TTC34: variants seen among roughly 807,000 people sequenced by gnomAD.
The protein encoded by TTC34 is tetratricopeptide repeat protein 34.
Under a neutral mutation model 40.7 loss-of-function variants are expected in TTC34, and 44 were observed. The observed-to-expected ratio is 1.08, with a 90% CI of 0.85 to 1.39. TTC34 has a LOEUF of 1.39. Among genes scored for constraint, TTC34 ranks in the 40% most tolerant of loss-of-function variants. The pLI, the probability that TTC34 is intolerant of heterozygous loss-of-function variation, is 0.00. For synonymous variants in TTC34, 422 were observed against 398.6 expected (o/e 1.06, Z -0.70); for missense variants, 884 against 838.0 (o/e 1.05, Z -0.68).
At chr1:2,681,825 C>G (rs867840232) in intron 6 of TTC34, among the ~76,000 whole-genome samples, 119 of 120,428 alleles carry the variant, frequency 9.9e-4, no homozygotes, top group African/African-American at 3.3e-3. Context: ...ACACCGACAC[C>G]CACAGGTGAG....
At chr1:2,656,385 A>T (rs1365604022) in intron 6 of TTC34, among the ~76,000 whole-genome samples, 1 of 2,398 alleles carries the variant, frequency 4.2e-4, no homozygotes, top group Non-Finnish European at 9.2e-4. Context: ...CCCACAGGTG[A>T]GCATCTGACA....
At chr1:2,700,129 TCACCCCAGGTGAGCATCGG>T (rs1641063146) in intron 6 of TTC34, among the ~76,000 whole-genome samples, 1 of 78,348 alleles carries the variant, frequency 1.3e-5, no homozygotes, top group African/African-American at 4.0e-5. Context: ...AGCAGCATCC[TCACCCCAGGTGAGCATCGG>T]ACATCCTGGA....
rs1430986578 is a variant in TTC34, at chr1:2,645,932, C to T, written c.2227-369G>A. Among the ~76,000 whole-genome samples, 1 of 152,176 alleles carries T rather than the reference C, an allele frequency of 6.6e-6. No individual in the cohort carries two copies. The highest frequency in any genetic ancestry group is 2.4e-5 in the African/African-American group (1 of 41,436). On this transcript the variant is annotated intron_variant, in intron 6 of 8. Coordinates refer to ENST00000401095, the Ensembl canonical transcript of TTC34. This position sits in a 1 kb window ranked among gnomAD's most constrained non-coding sequence, Gnocchi z 4.7. The stretch of plus-strand genomic sequence containing the variant: ...CAGCTTGTAGCTGGCTCCCTCCACG[C>T]CTGTCCCTCCCCACAGGGGCATCTG...
intron 2 of TTC34, among the ~76,000 whole-genome samples, chr1:2,790,982 T>C (rs1382604078): frequency 2.6e-5 from 4 of 152,150 alleles, no homozygotes; most frequent in Admixed American, 6.5e-5. Context: ...TGGTCTGCAC[T>C]ATAATGGGTT....
At chr1:2,800,839 C>T (rs1397959214) in exon 2 of TTC34, 4 of 398,462 alleles carry the variant, frequency 1.0e-5, no homozygotes, top group Admixed American at 4.4e-5. Flanking sequence ...TCTGGGACCC[C>T]GACGGGCCCA....
At chr1:2,787,767 T>C in intron 3 of TTC34, 61 bp from the exon 4 acceptor site, 2 of 1,363,658 alleles carry the variant, frequency 1.5e-6, no homozygotes, top group Non-Finnish European at 2.0e-6. Context: ...CCTGCCCAGG[T>C]GATTGGGCAG....
intron 6 of TTC34, among the ~76,000 whole-genome samples, chr1:2,653,287 C>G (rs1344911648): frequency 0.013 from 157 of 12,358 alleles, no homozygotes; most frequent in East Asian, 0.052. Flanking sequence ...GCACCCTGCA[C>G]CCCCAGGTGA....
At chr1:2,683,145 G>C (rs111350711) in intron 6 of TTC34, among the ~76,000 whole-genome samples, 27,027 of 49,208 alleles carry the variant, frequency 0.55, 5,067 homozygotes, top group Non-Finnish European at 0.59. Context: ...GGAACAGCAC[G>C]CACAGCCCCA....
In TTC34 at chr1:2,691,002, C is replaced by A. The variant is rs571733146; in HGVS notation, c.2227-45439G>T. ...ACACCCCTAGGAGAGCATCCGGCAGCCTGGAGCGGAACCCACACCAACAGG... is the reference window on the plus strand; with the variant it reads ...ACACCCCTAGGAGAGCATCCGGCAGACTGGAGCGGAACCCACACCAACAGG... On this transcript the variant is annotated intron_variant, in intron 6 of 8. Coordinates refer to ENST00000401095, the Ensembl canonical transcript of TTC34. Among the ~76,000 whole-genome samples the A allele has an allele frequency of 2.5e-5, 2 of 80,698 alleles. 1 individual carries two copies. Among genetic ancestry groups the A allele is most frequent in the Non-Finnish European group, 6.1e-5 (2 of 33,050 alleles). 52.9% of individuals were successfully genotyped at this position (80,698 alleles called of 152,430 possible).
intron 6 of TTC34, among the ~76,000 whole-genome samples, chr1:2,782,592 C>A (rs1023656594): frequency 1.3e-5 from 2 of 151,934 alleles, no homozygotes; most frequent in African/African-American, 4.8e-5. Flanking sequence ...GATTTGAGAT[C>A]TTTCTTGTTT....
chr1:2,683,285 C>G (rs1242800909), intron 6 of TTC34, among the ~76,000 whole-genome samples: 12 of 151,390 alleles, frequency 7.9e-5, no homozygotes, highest in Non-Finnish European at 1.5e-4. Context: ...AGGTGAGCAT[C>G]TGACAGCCTG....
chr1:2,787,247 C>G (rs372450900), intron 4 of TTC34, among the ~76,000 whole-genome samples: 1 of 152,190 alleles, frequency 6.6e-6, no homozygotes, highest in Non-Finnish European at 1.5e-5. Context: ...CTGCCGGCCC[C>G]GGGGACCTGC....
intron 6 of TTC34, among the ~76,000 whole-genome samples, chr1:2,780,068 C>T (rs898056062): frequency 1.3e-5 from 2 of 152,176 alleles, no homozygotes; most frequent in South Asian, 4.1e-4. Flanking sequence ...GAGCTGAGAT[C>T]CCGCCACTGC....
intron 6 of TTC34, among the ~76,000 whole-genome samples, chr1:2,748,040 A>C (rs1269920357): frequency 0.033 from 410 of 12,584 alleles, 2 homozygotes; most frequent in Non-Finnish European, 0.038. Flanking sequence ...CACCCTGCAC[A>C]CCCAGGTGAG....
chr1:2,750,253 G>T (rs1394618802), intron 6 of TTC34, among the ~76,000 whole-genome samples: 1 of 46,450 alleles, frequency 2.2e-5, no homozygotes. Context: ...CCCACAGGTG[G>T]GCATCTGACA....
At chr1:2,648,129 A>C (rs2100990680) in intron 6 of TTC34, among the ~76,000 whole-genome samples, 1 of 151,950 alleles carries the variant, frequency 6.6e-6, no homozygotes, top group East Asian at 1.9e-4. Context: ...CCAAACCTCT[A>C]AGCCATCTCA....
intron 6 of TTC34, among the ~76,000 whole-genome samples, chr1:2,656,237 C>T (rs982843738): frequency 1.3e-5 from 2 of 151,988 alleles, no homozygotes; most frequent in African/African-American, 4.8e-5. Context: ...CATCTGACAG[C>T]CTGGAACAGC....
At chr1:2,652,613 G>C (rs1570754253) in intron 6 of TTC34, among the ~76,000 whole-genome samples, 1 of 151,010 alleles carries the variant, frequency 6.6e-6, no homozygotes. Flanking sequence ...AAGCCCAGGC[G>C]AGCATCCGAC....
intron 6 of TTC34, among the ~76,000 whole-genome samples, chr1:2,652,523 ACC>A (rs1639181865): frequency 5.8e-3 from 32 of 5,516 alleles, no homozygotes; most frequent in Admixed American, 0.013. Flanking sequence ...CAGCACCCAC[ACC>A]TCCAGGCGAG....
Sources: allele counts gnomAD v4.1 joint callset (sites outside exome capture counted in the v4.1 genomes callset), GRCh38; gene constraint gnomAD v4.1.1; non-coding constraint Gnocchi (gnomAD v3.1); transcripts MANE v1.5; gene names NCBI Gene and HGNC (gene_info 2026-07-23, HGNC 2026-07-21).